Variants in CBLC observed in about 807,000 individuals in gnomAD.
The protein encoded by CBLC is E3 ubiquitin-protein ligase CBL-C.
CBLC carries 46 observed loss-of-function variants against 58.6 expected under a neutral mutation model. The observed-to-expected ratio is 0.79, with a 90% CI of 0.62 to 1.00. The LOEUF (loss-of-function observed/expected upper bound fraction) is 1.00. Ranked by LOEUF, CBLC falls within the 50% of genes least tolerant of loss-of-function variation. The pLI is 0.00. For synonymous variants in CBLC, 271 were observed against 264.2 expected (o/e 1.03, Z -0.25); for missense variants, 655 against 625.8 (o/e 1.05, Z -0.50).
intron 1 of CBLC, among the ~76,000 whole-genome samples, chr19:44,779,605 G>A (rs2122379835): frequency 6.7e-6 from 1 of 150,366 alleles, no homozygotes; most frequent in East Asian, 1.9e-4. Context: ...AGACTGGAGG[G>A]CAGTGGCACC....
Position 44,784,248 on chromosome 19 carries a change from C to G in CBLC, c.780-16C>G. ...TGACCACTCCCTCACCCCATCCTAC[C>G]TACCTCTCCCTCCAGTTACATCTTC... is the stretch of plus-strand genomic sequence containing the variant. On this transcript the variant is annotated splice_polypyrimidine_tract_variant and intron_variant, in intron 4 of 10. Transcript: ENST00000647358. 6.4e-7 allele frequency: 1 copy of G among 1,561,220 alleles called. No individual in the cohort carries two copies. Among genetic ancestry groups the G allele is most frequent in the Non-Finnish European group, 8.8e-7 (1 of 1,139,672 alleles).
At position 44,793,363 on chromosome 19, in the gene CBLC, CTCTG is replaced by C. The variant is rs1445397109; in HGVS notation, c.1138-103_1138-100del. On this transcript the variant is annotated intron_variant, in intron 7 of 10. Coordinates refer to ENST00000647358, the MANE Select transcript of CBLC (RefSeq NM_012116.4). ...CTCTTCTCTCCTTCCGTCTCCCTTCCTCTGTCTGTCTTCCCCACATCAATCTTTT... is the reference window on the plus strand; with the variant it reads ...CTCTTCTCTCCTTCCGTCTCCCTTCCTCTGTCTTCCCCACATCAATCTTTT... 29 of 1,201,236 alleles carry C rather than the reference CTCTG, an allele frequency of 2.4e-5. No homozygotes were observed. In the East Asian group the frequency reaches 7.3e-4, roughly 30 times the overall value. The allele number at this position is 1,201,236 out of a possible 1,614,324, so 74.4% of individuals were successfully genotyped here.
chr19:44,798,102 C>T (rs971610459), intron 9 of CBLC, among the ~76,000 whole-genome samples: 4 of 152,134 alleles, frequency 2.6e-5, no homozygotes, highest in Non-Finnish European at 5.9e-5. Context: ...AGCTGGATCT[C>T]ATCACCCCAC....
intron 8 of CBLC, 92 bp downstream of exon 8, chr19:44,793,712 AGACTGG>A (rs2122496114): frequency 5.4e-5 from 61 of 1,125,978 alleles, no homozygotes; most frequent in African/African-American, 2.2e-4. Context: ...GAGGGAGGAG[AGACTGG>A]GGGCCTGGAC....
At position 44,800,231 on chromosome 19, in the gene CBLC, A is replaced by C. The variant is rs568844963; in HGVS notation, c.1363-150A>C. 5.0e-6 allele frequency: 3 copies of C among 602,432 alleles called. No individual in the cohort carries two copies. The African/African-American group carries it at 5.6e-5, about 11-fold the overall frequency. The allele number at this position is 602,432 out of a possible 1,614,324, so 37.3% of individuals were successfully genotyped here. A position where few individuals can be genotyped will look rare whatever the true frequency, so the allele number is the denominator to read the frequency against. On this transcript the variant is annotated intron_variant, in intron 9 of 10. Coordinates refer to ENST00000647358, the MANE Select transcript of CBLC (RefSeq NM_012116.4). ...GCCCCTCTTCTCTTGCCAAGAATTAAGGCTGTGGCCTCAGCCGCGCAGGAA... is the reference window on the plus strand; with the variant it reads ...GCCCCTCTTCTCTTGCCAAGAATTACGGCTGTGGCCTCAGCCGCGCAGGAA...
rs571716221 is a variant in CBLC, at chr19:44,779,982, CTA to C, written c.354-921_354-920del. 1.7e-3 allele frequency among the ~76,000 whole-genome samples: 251 copies of C among 152,086 alleles called. 1 individual carries two copies. Among genetic ancestry groups the C allele is most frequent in the African/African-American group, 5.6e-3 (234 of 41,476 alleles). On this transcript the variant is annotated intron_variant, in intron 1 of 10. Transcript: ENST00000647358. ...AAGGAATTTTTTTCATAAATATTAT[CTA>C]TGTTTTAAATGAAAATGCCAAGGCA...
In CBLC at chr19:44,790,047, G is replaced by A; in HGVS notation, c.961G>A (p.Glu321Lys). Residue 321 changes from glutamate to lysine, a missense_variant, in exon 6 of 11, where the codon GAG becomes AAG. Glu to Lys is a moderately conservative substitution (Grantham distance 56). This residue lies in a region of CBLC where 371 missense variants were observed against 370.8 expected (regional missense o/e 1.00). Transcript: ENST00000647358. ...AAAGACCCACAACCCAGACCTGACT[G>A]AGCTCGGCCAGGCAGAACCCCAGCA... is the stretch of plus-strand genomic sequence containing the variant. ...DGKTHNPDLT[E>K]LGQAEPQQRI... is the part of the protein sequence containing the mutation. 1 of 1,613,864 alleles carries A rather than the reference G, an allele frequency of 6.2e-7. No individual in the cohort carries two copies. The highest frequency in any genetic ancestry group is 8.5e-7 in the Non-Finnish European group (1 of 1,179,974).
rs952137350 is a variant in CBLC, at chr19:44,792,441, C to A, written c.1064C>A (p.Ala355Asp). 6.2e-7 allele frequency: 1 copy of A among 1,613,466 alleles called. No individual in the cohort carries two copies. The highest frequency in any genetic ancestry group is 1.1e-5 in the South Asian group (1 of 91,072). ...DSTFELCKIC[A>D]ESNKDVKIEP... ...ACATTTGAGCTCTGCAAGATCTGTG[C>A]TGAGAGCAACAAGGATGTGAAGATT... Residue 355 changes from alanine to aspartate, a missense_variant, in exon 7 of 11, where the codon GCT (alanine) becomes GAT (aspartate). Ala to Asp is a moderately radical substitution (Grantham distance 126). This residue lies in a region of CBLC where 371 missense variants were observed against 370.8 expected (regional missense o/e 1.00). Coordinates refer to ENST00000647358, the MANE Select transcript of CBLC (RefSeq NM_012116.4).
chr19:44,786,616 A>T (rs1203491634), intron 5 of CBLC, among the ~76,000 whole-genome samples: 1 of 151,994 alleles, frequency 6.6e-6, no homozygotes, highest in African/African-American at 2.4e-5. Context: ...AAAGAAAAAA[A>T]GAAAAAAAAA....
intron 9 of CBLC, among the ~76,000 whole-genome samples, chr19:44,796,969 G>A (rs904666437): frequency 6.6e-6 from 1 of 152,054 alleles, no homozygotes; most frequent in Admixed American, 6.6e-5. Context: ...CCAACCTGCC[G>A]CCAAAAGCAA....
chr19:44,796,547 G>C (rs1347191490), intron 9 of CBLC, among the ~76,000 whole-genome samples: 2 of 151,914 alleles, frequency 1.3e-5, no homozygotes, highest in Non-Finnish European at 2.9e-5. Flanking sequence ...ACCACGCCTG[G>C]CAAATTTTGT....
intron 6 of CBLC, 73 bp from the exon 7 acceptor site, chr19:44,792,310 T>G: frequency 6.4e-7 from 1 of 1,570,302 alleles, no homozygotes; most frequent in Non-Finnish European, 8.7e-7. Context: ...GGGATTTTCT[T>G]CCTGTGGCCC....
At chr19:44,787,345 G>A (rs938510622) in intron 5 of CBLC, among the ~76,000 whole-genome samples, 1 of 152,234 alleles carries the variant, frequency 6.6e-6, no homozygotes, top group South Asian at 2.1e-4. Flanking sequence ...AGTGAGCCGA[G>A]ATCGCGCCAC....
At chr19:44,799,645 TTTGTTG>T (rs372861692) in intron 9 of CBLC, among the ~76,000 whole-genome samples, 3,849 of 150,764 alleles carry the variant, frequency 0.026, 135 homozygotes, top group East Asian at 0.12. Context: ...GTTTTTTCGG[TTTGTTG>T]TTGTTGTTGT....
chr19:44,782,503 A>G lies in CBLC; in HGVS notation c.779+12A>G, dbSNP rs761236254. 2 of 1,610,632 alleles carry G rather than the reference A, an allele frequency of 1.2e-6. No individual in the cohort carries two copies. The highest frequency in any genetic ancestry group is 2.2e-5 in the East Asian group (1 of 44,828). ...GACAAGCCAGGCAGGTAAAGGGTCC[A>G]GGGCTCAGCAGAACAAGGCTGCAGG... On this transcript the variant is annotated intron_variant, in intron 4 of 10. Coordinates refer to ENST00000647358, the MANE Select transcript of CBLC (RefSeq NM_012116.4).
chr19:44,777,897 C>G lies in CBLC; in HGVS notation c.-35C>G. 6.7e-7 allele frequency: 1 copy of G among 1,491,042 alleles called. No homozygotes were observed. Among genetic ancestry groups the G allele is most frequent in the Non-Finnish European group, 8.9e-7 (1 of 1,128,402 alleles). 92.4% of individuals were successfully genotyped at this position (1,491,042 alleles called of 1,614,324 possible). On this transcript the variant is annotated 5_prime_UTR_variant, in exon 1 of 11. Coordinates refer to ENST00000647358, the MANE Select transcript of CBLC (RefSeq NM_012116.4). ...CTGGGCGAGGCCGCCCCTATCCCAG[C>G]CGCACCGGTCCTTCCCGGCACACGC...
chr19:44,794,341 G>A (rs1968135063), intron 9 of CBLC, 60 bp downstream of exon 9: 2 of 1,542,638 alleles, frequency 1.3e-6, no homozygotes, highest in Non-Finnish European at 8.9e-7. Context: ...CAGGGTCCCT[G>A]GTTCACCTGT....
At chr19:44,796,378 C>CTTTG (rs947401556) in intron 9 of CBLC, among the ~76,000 whole-genome samples, 1 of 152,016 alleles carries the variant, frequency 6.6e-6, no homozygotes, top group Non-Finnish European at 1.5e-5. Context: ...TTTGTTGTTT[C>CTTTG]TTTGTTTGTT....
At chr19:44,785,321 G>T (rs541807857) in intron 5 of CBLC, among the ~76,000 whole-genome samples, 1 of 151,986 alleles carries the variant, frequency 6.6e-6, no homozygotes, top group East Asian at 1.9e-4. Context: ...TGCCAGGCTG[G>T]TCTCAAACTC....
Sources: gnomAD v4.1 joint callset for allele counts (sites outside exome capture counted in the v4.1 genomes callset) on GRCh38, gnomAD v4.1.1 for gene constraint, gnomAD v4.1.1 regional missense constraint, MANE v1.5 for transcripts, NCBI Gene and HGNC (gene_info 2026-07-23, HGNC 2026-07-21) for gene names.